C14orf93: variants seen among roughly 807,000 people sequenced by gnomAD.
C14orf93 encodes uncharacterized protein C14orf93.
A neutral mutation model predicts 44.0 loss-of-function variants in C14orf93; 23 were observed. The observed-to-expected ratio is 0.52, with a 90% confidence interval of 0.38 to 0.74. The LOEUF is 0.74. Ranked by LOEUF, C14orf93 falls within the 30% of genes least tolerant of loss-of-function variation. The pLI is 0.00. For synonymous variants in C14orf93, 253 were observed against 265.7 expected (o/e 0.95, Z 0.46); for missense variants, 579 against 678.9 (o/e 0.85, Z 1.64).
chr14:23,003,898 A>ATTTTTTTTTTTTTTT (rs1170432984), intron 1 of C14orf93, among the ~76,000 whole-genome samples: 1 of 10,380 alleles, frequency 9.6e-5, no homozygotes, highest in African/African-American at 5.0e-4. Flanking sequence ...ATATATATAT[A>ATTTTTTTTTTTTTTT]TTTTTTTTTT....
chr14:22,998,953 C>T lies in C14orf93; in HGVS notation c.71G>A (p.Cys24Tyr). ...GSEARCCCCA[C>Y]KSETNGGNTG... ...GTTGCCTCCATTAGTCTCACTCTTA[C>T]AGGCGCAGCAGCAGCATCTGGCCTC... is the stretch of plus-strand genomic sequence containing the variant. Residue 24 changes from cysteine (C) to tyrosine (Y), a missense_variant, in exon 2 of 7, where the codon TGT becomes TAT. Transcript: ENST00000299088. 6.2e-7 allele frequency: 1 copy of T among 1,613,870 alleles called. No homozygotes were observed.
intron 1 of C14orf93, chr14:23,006,744 C>T (rs3751497): frequency 0.46 from 70,284 of 152,226 alleles, 16,972 homozygotes; most frequent in African/African-American, 0.6. Flanking sequence ...GATTCAGCTA[C>T]GGGAAAGGCG....
intron 3 of C14orf93, among the ~76,000 whole-genome samples, chr14:22,991,753 G>A (rs1256911197): frequency 1.3e-5 from 2 of 151,854 alleles, no homozygotes; most frequent in Non-Finnish European, 2.9e-5. Flanking sequence ...TGTATTTTTA[G>A]TAGAGATGGG....
chr14:23,003,555 G>A (rs1330376975), intron 1 of C14orf93, among the ~76,000 whole-genome samples: 1 of 152,114 alleles, frequency 6.6e-6, no homozygotes, highest in Non-Finnish European at 1.5e-5. Flanking sequence ...TTGGGAGGCT[G>A]AGGTGGGCGG....
chr14:23,004,335 C>T (rs1243690294), intron 1 of C14orf93, among the ~76,000 whole-genome samples: 3 of 151,472 alleles, frequency 2.0e-5, no homozygotes, highest in East Asian at 2.0e-4. Context: ...CTCAGCCTCC[C>T]GAAGAGCTGG....
intron 1 of C14orf93, chr14:23,005,721 T>C (rs1448261394): frequency 1.3e-5 from 2 of 152,212 alleles, no homozygotes; most frequent in African/African-American, 4.8e-5. Flanking sequence ...TTTAAATAAA[T>C]GTGAAACGAG....
chr14:22,989,624 C>A, intron 5 of C14orf93, 118 bp downstream of exon 5: 1 of 712,936 alleles, frequency 1.4e-6, no homozygotes, highest in Non-Finnish European at 2.4e-6. Context: ...GTTTCAAATC[C>A]ACTATTTTCA....
chr14:23,007,948 T>C (rs1440712704), intron 1 of C14orf93, among the ~76,000 whole-genome samples: 2 of 150,430 alleles, frequency 1.3e-5, no homozygotes, highest in Non-Finnish European at 3.0e-5. Flanking sequence ...AAGTCAGGAG[T>C]TGGAGACCAG....
At chr14:23,007,800 A>G (rs1000277845) in intron 1 of C14orf93, among the ~76,000 whole-genome samples, 2 of 152,150 alleles carry the variant, frequency 1.3e-5, no homozygotes, top group East Asian at 1.9e-4. Context: ...GGTAAAAAGT[A>G]TATGTGATGA....
chr14:23,002,420 CCA>C (rs1393280212), intron 1 of C14orf93, among the ~76,000 whole-genome samples: 1 of 148,910 alleles, frequency 6.7e-6, no homozygotes, highest in Non-Finnish European at 1.5e-5. Flanking sequence ...CCACTGCACT[CCA>C]GACTGGGTGA....
chr14:22,987,299 G>A lies in C14orf93; in HGVS notation c.1533C>T (p.Gly511=), dbSNP rs763262667. ...EDEGGDENAP[G]SPSFDQPHKT... is the part of the protein sequence containing the mutation. Reference sequence around the variant, plus strand: ...TGTGGGGTTGGTCAAAAGATGGGGAGCCAGGTGCATTCTCATCCCCTCCCT... The same window carrying A: ...TGTGGGGTTGGTCAAAAGATGGGGAACCAGGTGCATTCTCATCCCCTCCCT... The change falls in exon 7 of 7, where the codon GGC becomes GGT. Residue 511 remains glycine, a synonymous_variant. Transcript: ENST00000299088. The surrounding 1 kb of genome is among the most constrained non-coding windows in gnomAD (Gnocchi z 5.6). 1.9e-6 allele frequency: 3 copies of A among 1,614,226 alleles called. No homozygotes were observed. The highest frequency in any genetic ancestry group is 1.1e-5 in the South Asian group (1 of 91,086).
intron 3 of C14orf93, among the ~76,000 whole-genome samples, chr14:22,993,159 C>T (rs111969748): frequency 0.045 from 6,849 of 152,298 alleles, 507 homozygotes; most frequent in African/African-American, 0.15. Flanking sequence ...GGATTACAGG[C>T]GTGAGCCACC....
Position 22,996,748 on chromosome 14 carries a change from C to T in C14orf93, c.598-480G>A, listed in dbSNP as rs2045992177. On this transcript the variant is annotated intron_variant, in intron 2 of 6. Coordinates refer to ENST00000299088, the MANE Select transcript of C14orf93 (RefSeq NM_021944.4). This position sits in a 1 kb window ranked among gnomAD's most constrained non-coding sequence, Gnocchi z 4.1. ...TCCCTAGAGAGACTGGCAGCAACAG[C>T]TCCCCTCACCTATCCTCCATTCCCA... 1.3e-5 allele frequency among the ~76,000 whole-genome samples: 2 copies of T among 152,206 alleles called. No homozygotes were observed. Among genetic ancestry groups the T allele is most frequent in the Non-Finnish European group, 2.9e-5 (2 of 68,032 alleles).
intron 1 of C14orf93, among the ~76,000 whole-genome samples, chr14:23,003,108 T>C (rs945766778): frequency 3.3e-5 from 5 of 152,370 alleles, no homozygotes; most frequent in African/African-American, 4.8e-5. Flanking sequence ...ATTTTCCTAT[T>C]GTGAGTTCAA....
chr14:23,003,046 C>T (rs931691223), intron 1 of C14orf93, among the ~76,000 whole-genome samples: 1 of 152,148 alleles, frequency 6.6e-6, no homozygotes, highest in Non-Finnish European at 1.5e-5. Flanking sequence ...GCTATCATGA[C>T]CTGGTCTCAG....
intron 5 of C14orf93, among the ~76,000 whole-genome samples, chr14:22,988,660 T>G (rs1002584324): frequency 6.6e-6 from 1 of 152,102 alleles, no homozygotes; most frequent in African/African-American, 2.4e-5. Context: ...CACATCACCA[T>G]GGCCGGCTAA....
At position 22,987,394 on chromosome 14, in the gene C14orf93, G is replaced by A. The variant is rs374049418; in HGVS notation, c.1438C>T (p.Leu480=). The A allele has an allele frequency of 1.9e-6, 3 of 1,614,148 alleles. No homozygotes were observed. Among genetic ancestry groups the A allele is most frequent in the Non-Finnish European group, 2.5e-6 (3 of 1,180,058 alleles). ...NRVYGPPSDR[L]PSAEAQLLPP... The stretch of plus-strand genomic sequence containing the variant: ...AGGAGCTGGGCTTCAGCAGAAGGCA[G>A]TCTGTCTGAGGGAGGCCCATACACA... The change falls in exon 7 of 7, where the codon CTG becomes TTG. Residue 480 remains leucine (L), a synonymous_variant. Coordinates refer to ENST00000299088, the MANE Select transcript of C14orf93 (RefSeq NM_021944.4). This position sits in a 1 kb window ranked among gnomAD's most constrained non-coding sequence, Gnocchi z 5.6.
At chr14:23,005,625 C>T (rs930871397) in intron 1 of C14orf93, 3 of 152,212 alleles carry the variant, frequency 2.0e-5, no homozygotes, top group Middle Eastern at 3.4e-3. Context: ...TCTTGGGATG[C>T]GTTGCCAACA....
intron 3 of C14orf93, among the ~76,000 whole-genome samples, chr14:22,995,340 G>A (rs1209274783): frequency 6.6e-6 from 1 of 152,200 alleles, no homozygotes; most frequent in Non-Finnish European, 1.5e-5. Flanking sequence ...ACCCTTTGGT[G>A]ACCAATCTGC....
Sources: gnomAD v4.1 joint callset for allele counts (sites outside exome capture counted in the v4.1 genomes callset) on GRCh38, gnomAD v4.1.1 for gene constraint, Gnocchi (gnomAD v3.1) non-coding constraint, MANE v1.5 for transcripts, NCBI Gene and HGNC (gene_info 2026-07-23, HGNC 2026-07-21) for gene names.